The following PTPRD variants were observed in gnomAD, a reference collection of about 807,000 sequenced individuals.
The protein encoded by PTPRD is protein tyrosine phosphatase receptor type D, also known as receptor-type tyrosine-protein phosphatase delta.
A neutral mutation model predicts 214.5 loss-of-function variants in PTPRD; 34 were observed. That is an observed-to-expected ratio of 0.16 (90% CI 0.12 to 0.21). PTPRD has a LOEUF of 0.21. PTPRD is among the 10% of genes least tolerant of loss of function. The pLI, the probability that PTPRD is intolerant of heterozygous loss-of-function variation, is 1.00. For missense variants in PTPRD, 2,545 were observed against 2,398.7 expected, an observed-to-expected ratio of 1.06 and a Z score of -1.27; for synonymous variants, 1,128 against 845.7, an observed-to-expected ratio of 1.33 and a Z score of -5.79.
chr9:9,864,018 G>T (rs979366019), intron 5 of PTPRD, among the ~76,000 whole-genome samples: 1 of 152,074 alleles, frequency 6.6e-6, no homozygotes, highest in African/African-American at 2.4e-5. Context: ...AAGTTTGAAA[G>T]GTTTGGCCGG....
chr9:10,030,159 A>C (rs10755999), intron 4 of PTPRD, among the ~76,000 whole-genome samples: 51,329 of 151,956 alleles, frequency 0.34, 9,174 homozygotes, highest in East Asian at 0.62. Context: ...GTAAATTGCC[A>C]CAGTCACAGG....
chr9:10,185,735 C>A (rs1478070264), intron 3 of PTPRD, among the ~76,000 whole-genome samples: 1 of 152,024 alleles, frequency 6.6e-6, no homozygotes, highest in Non-Finnish European at 1.5e-5. Flanking sequence ...CACTGTAGAA[C>A]CAGCGGTTTT....
intron 10 of PTPRD, among the ~76,000 whole-genome samples, chr9:9,069,796 C>A (rs2099741072): frequency 6.6e-6 from 1 of 152,104 alleles, no homozygotes; most frequent in Non-Finnish European, 1.5e-5. Flanking sequence ...TATACAAAAC[C>A]AATCCTAGCA....
intron 11 of PTPRD, among the ~76,000 whole-genome samples, chr9:9,009,075 G>A (rs1013438542): frequency 2.0e-5 from 3 of 152,078 alleles, no homozygotes; most frequent in East Asian, 1.9e-4. Context: ...TCAGGCTAAT[G>A]TATGTATAAA....
chr9:10,126,946 C>CTTTTTTTTTTTTTTTTT (rs34691762), intron 3 of PTPRD, among the ~76,000 whole-genome samples: 9 of 130,596 alleles, frequency 6.9e-5, no homozygotes, highest in African/African-American at 2.5e-4. Flanking sequence ...CTCAAATGGA[C>CTTTTTTTTTTTTTTTTT]TTTTTTTTTT....
chr9:8,893,802 G>T (rs1286463019), intron 11 of PTPRD, among the ~76,000 whole-genome samples: 1 of 152,072 alleles, frequency 6.6e-6, no homozygotes, highest in Non-Finnish European at 1.5e-5. Context: ...CTATCAAAGT[G>T]GAAACACATT....
At chr9:9,474,858 G>A (rs2094907394) in intron 8 of PTPRD, among the ~76,000 whole-genome samples, 1 of 152,014 alleles carries the variant, frequency 6.6e-6, no homozygotes, top group Admixed American at 6.6e-5. Flanking sequence ...TTTTACATAT[G>A]TAAGATTATG....
chr9:9,913,059 A>T (rs145714084), intron 5 of PTPRD, among the ~76,000 whole-genome samples: 1 of 152,316 alleles, frequency 6.6e-6, no homozygotes, highest in African/African-American at 2.4e-5. Context: ...TTATAAGATC[A>T]TACAAATATG....
intron 39 of PTPRD, among the ~76,000 whole-genome samples, chr9:8,345,678 T>C (rs1182680581): frequency 6.6e-6 from 1 of 152,096 alleles, no homozygotes; most frequent in Non-Finnish European, 1.5e-5. Flanking sequence ...ATCATGATCC[T>C]GTATCACGGT....
chr9:9,028,017 G>T (rs1362096644), intron 10 of PTPRD, among the ~76,000 whole-genome samples: 1 of 151,652 alleles, frequency 6.6e-6, no homozygotes, highest in Non-Finnish European at 1.5e-5. Context: ...TCTCATCAAG[G>T]GCTCCTTGTG....
chr9:9,411,853 A>T (rs1357257235), intron 8 of PTPRD, among the ~76,000 whole-genome samples: 1 of 152,236 alleles, frequency 6.6e-6, no homozygotes. Flanking sequence ...TTTTCTGTGT[A>T]GGGAAATGAA....
chr9:10,477,244 G>T (rs772126205), intron 2 of PTPRD, among the ~76,000 whole-genome samples: 2 of 151,990 alleles, frequency 1.3e-5, no homozygotes, highest in Admixed American at 6.6e-5. Context: ...CTGACAAAGG[G>T]CTAAATTCCA....
intron 2 of PTPRD, among the ~76,000 whole-genome samples, chr9:10,535,551 T>C (rs1199369991): frequency 6.6e-6 from 1 of 152,126 alleles, no homozygotes; most frequent in Non-Finnish European, 1.5e-5. Flanking sequence ...TGTATACTGT[T>C]TCCCATAAAA....
At chr9:8,581,719 C>T (rs564926177) in intron 14 of PTPRD, among the ~76,000 whole-genome samples, 1 of 151,298 alleles carries the variant, frequency 6.6e-6, no homozygotes. Flanking sequence ...TGCACTCTAG[C>T]CCGGACGACA....
intron 12 of PTPRD, among the ~76,000 whole-genome samples, chr9:8,662,823 A>T (rs554958859): frequency 6.6e-6 from 1 of 152,284 alleles, no homozygotes; most frequent in South Asian, 2.1e-4. Context: ...CAACTGTTTT[A>T]AATTTTGGTT....
intron 3 of PTPRD, among the ~76,000 whole-genome samples, chr9:10,070,918 T>C (rs1439506602): frequency 2.0e-5 from 3 of 151,916 alleles, no homozygotes; most frequent in African/African-American, 7.2e-5. Flanking sequence ...AGCAAGTGAG[T>C]ACAGCAAGTT....
chr9:8,748,148 C>T (rs1054806187), intron 11 of PTPRD, among the ~76,000 whole-genome samples: 1 of 152,156 alleles, frequency 6.6e-6, no homozygotes, highest in African/African-American at 2.4e-5. Context: ...GAGCGGTTGT[C>T]AGCCAACCTC....
intron 2 of PTPRD, among the ~76,000 whole-genome samples, chr9:10,565,228 T>A (rs938806365): frequency 3.9e-5 from 6 of 152,130 alleles, no homozygotes; most frequent in Non-Finnish European, 7.4e-5. Flanking sequence ...TGCCAAATCA[T>A]TCAAACAGAA....
intron 7 of PTPRD, among the ~76,000 whole-genome samples, chr9:9,673,038 C>T (rs1177669788): frequency 1.3e-5 from 2 of 151,938 alleles, no homozygotes; most frequent in Non-Finnish European, 2.9e-5. Context: ...AGACAAATTA[C>T]CAATGCTGCA....
Sources: allele counts gnomAD v4.1 joint callset (sites outside exome capture counted in the v4.1 genomes callset), GRCh38; gene constraint gnomAD v4.1.1; transcripts MANE v1.5; gene names NCBI Gene and HGNC (gene_info 2026-07-23, HGNC 2026-07-21).